VPS13B: variants seen among roughly 807,000 people sequenced by gnomAD.
VPS13B encodes the protein intermembrane lipid transfer protein VPS13B.
VPS13B carries 285 observed loss-of-function variants against 426.4 expected under a neutral mutation model. The ratio of observed to expected loss-of-function variants is 0.67; its 90% CI spans 0.61 to 0.74. The LOEUF is 0.74. Ranked by LOEUF, VPS13B falls within the 30% of genes least tolerant of loss-of-function variation. VPS13B has a pLI of 0.00. For missense variants in VPS13B, 4,537 were observed against 4,782.6 expected (o/e 0.95, Z 1.51); for synonymous variants, 1,676 against 1,676.4 (o/e 1.00, Z 0.01).
At chr8:99,527,518 T>C (rs1434412360) in intron 30 of VPS13B, among the ~76,000 whole-genome samples, 1 of 152,068 alleles carries the variant, frequency 6.6e-6, no homozygotes, top group Non-Finnish European at 1.5e-5. Context: ...TTAAACTCAA[T>C]CTGAGATTCT....
At position 99,038,435 on chromosome 8, in the gene VPS13B, C is replaced by T. The variant is rs1193369148; in HGVS notation, c.160C>T (p.Pro54Ser). The T allele has an allele frequency of 6.2e-7, 1 of 1,605,704 alleles. No homozygotes were observed. Among genetic ancestry groups the T allele is most frequent in the Admixed American group, 1.7e-5 (1 of 59,736 alleles). Residue 54 changes from proline to serine, a missense_variant, in exon 3 of 62, where the codon CCA (proline) becomes TCA (serine). This residue lies in a region of VPS13B where 226 missense variants were observed against 308.3 expected (regional missense o/e 0.73). Coordinates refer to ENST00000357162, the MANE Select transcript of VPS13B (RefSeq NM_152564.5). ...LDVLEQELKLPFTFLSGHIHE... is the reference protein window; with the variant it reads ...LDVLEQELKLSFTFLSGHIHE... The stretch of plus-strand genomic sequence containing the variant: ...TTTGTGTTTTAAGGAACTGAAATTA[C>T]CATTCACTTTTTTAAGTGGACATAT...
At chr8:99,537,126 C>G (rs1461210242) in intron 30 of VPS13B, among the ~76,000 whole-genome samples, 1 of 151,922 alleles carries the variant, frequency 6.6e-6, no homozygotes, top group East Asian at 1.9e-4. Flanking sequence ...AATTGTCCAT[C>G]GGTCTGAATC....
intron 36 of VPS13B, 121 bp from the exon 37 acceptor site, chr8:99,717,050 A>G (rs1292376106): frequency 2.0e-6 from 2 of 1,013,816 alleles, no homozygotes; most frequent in African/African-American, 3.2e-5. Flanking sequence ...GTGGACTGCC[A>G]ACCAAGCAAG....
At position 99,121,432 on chromosome 8, in the gene VPS13B, C is replaced by T. The variant is rs753703762; in HGVS notation, c.1193C>T (p.Thr398Met). The change falls in exon 8 of 62, where the codon ACG becomes ATG. Residue 398 changes from threonine (T) to methionine (M), a missense_variant. Around this residue, in one of 2 missense-constraint regions of VPS13B, gnomAD observed 4,311 missense variants for 4,474.3 expected, o/e 0.96. Transcript: ENST00000357162. ...ATAGGATTTTATTGCACAAAGGCAA[C>T]GGTGACTTTCAAAGTAGGTCTTTTC... ...VSIGFYCTKA[T>M]VTFKLTEMQV... 27 of 1,614,038 alleles carry T rather than the reference C, an allele frequency of 1.7e-5. No homozygotes were observed. The highest frequency in any genetic ancestry group is 1.0e-4 in the Admixed American group (6 of 60,008).
At chr8:99,822,663 TA>T (rs904588188) in intron 50 of VPS13B, among the ~76,000 whole-genome samples, 3 of 152,210 alleles carry the variant, frequency 2.0e-5, no homozygotes, top group African/African-American at 7.2e-5. Flanking sequence ...TATGCTTTGG[TA>T]GTGACTCAGG....
intron 17 of VPS13B, chr8:99,234,066 C>A: frequency 1.3e-6 from 1 of 775,244 alleles, no homozygotes; most frequent in South Asian, 1.4e-5. Flanking sequence ...GGAAATCAGT[C>A]TGTCCGGCCT....
chr8:99,121,462 G>A lies in VPS13B; in HGVS notation c.1206+17G>A, dbSNP rs1490266167. The A allele has an allele frequency of 1.9e-6, 3 of 1,613,698 alleles. No homozygotes were observed. The African/African-American group carries it at 4.0e-5, about 22-fold the overall frequency. ...ACTTTCAAAGTAGGTCTTTTCTCTT[G>A]CTGTTTATATCTCTATCAACTTTAA... On this transcript the variant is annotated intron_variant, in intron 8 of 61. Transcript: ENST00000357162.
At chr8:99,871,867 AAAG>A (rs1817435202) in intron 61 of VPS13B, among the ~76,000 whole-genome samples, 170 bp downstream of exon 61, 1 of 151,858 alleles carries the variant, frequency 6.6e-6, no homozygotes, top group Admixed American at 6.6e-5. Context: ...GGCCGCTGCG[AAAG>A]GGCACTGGGA....
intron 49 of VPS13B, among the ~76,000 whole-genome samples, chr8:99,820,444 G>A (rs562711291): frequency 6.6e-6 from 1 of 152,260 alleles, no homozygotes; most frequent in East Asian, 1.9e-4. Context: ...GAGCCATCAT[G>A]TGTGCTTATC....
In VPS13B at chr8:99,515,631, C is replaced by A. The variant is rs186340149; in HGVS notation, c.4633+4119C>A. On this transcript the variant is annotated intron_variant, in intron 29 of 61. Transcript: ENST00000357162. The stretch of plus-strand genomic sequence containing the variant: ...TGTGGACTTTAAGTGGAATCCTTTG[C>A]AAATATGCATATTTTTAGCAACAAA... Among the ~76,000 whole-genome samples the A allele has an allele frequency of 3.9e-5, 6 of 152,056 alleles. No individual in the cohort carries two copies. In the South Asian group the frequency reaches 8.3e-4, roughly 21 times the overall value.
chr8:99,791,648 G>A (rs1812540968), intron 43 of VPS13B, among the ~76,000 whole-genome samples: 1 of 150,942 alleles, frequency 6.6e-6, no homozygotes, highest in African/African-American at 2.4e-5. Context: ...ACAGAGTAAG[G>A]GCATTAAATG....
At position 99,811,993 on chromosome 8, in the gene VPS13B, G is replaced by C. The variant is rs369467219; in HGVS notation, c.8097+2463G>C. ...ATTATAACAATAGTGACTCATTCTT[G>C]AATAGATACTATATATTTTCAAGAA... On this transcript the variant is annotated intron_variant, in intron 44 of 61. Coordinates refer to ENST00000357162, the MANE Select transcript of VPS13B (RefSeq NM_152564.5). 2.4e-4 allele frequency among the ~76,000 whole-genome samples: 37 copies of C among 152,206 alleles called. 2 individuals carry two copies. Among genetic ancestry groups the C allele is most frequent in the East Asian group, 1.5e-3 (8 of 5,180 alleles).
At chr8:99,603,967 A>G (rs1305815811) in intron 33 of VPS13B, among the ~76,000 whole-genome samples, 2 of 152,208 alleles carry the variant, frequency 1.3e-5, no homozygotes, top group African/African-American at 4.8e-5. Flanking sequence ...ATATAAATCA[A>G]AATCTAGAAA....
intron 21 of VPS13B, among the ~76,000 whole-genome samples, chr8:99,397,869 G>T (rs1814822045): frequency 6.6e-6 from 1 of 152,102 alleles, no homozygotes; most frequent in African/African-American, 2.4e-5. Context: ...CTAGTTACAT[G>T]GTCCTGTCTA....
At chr8:99,874,570 A>C (rs549210376) in intron 61 of VPS13B, among the ~76,000 whole-genome samples, 1 of 152,052 alleles carries the variant, frequency 6.6e-6, no homozygotes, top group Non-Finnish European at 1.5e-5. Flanking sequence ...AAACCACGGA[A>C]AGTTTGGTGG....
intron 19 of VPS13B, among the ~76,000 whole-genome samples, chr8:99,276,938 A>G (rs1818929942): frequency 6.6e-6 from 1 of 152,122 alleles, no homozygotes; most frequent in Admixed American, 6.6e-5. Context: ...CACATATACA[A>G]TGAAAATAAA....
At chr8:99,244,451 C>A (rs1246792055) in intron 17 of VPS13B, among the ~76,000 whole-genome samples, 1 of 152,234 alleles carries the variant, frequency 6.6e-6, no homozygotes, top group East Asian at 1.9e-4. Flanking sequence ...GTTTTTCTTG[C>A]AGCTTTACTA....
chr8:99,167,517 G>A (rs953451556), intron 15 of VPS13B, among the ~76,000 whole-genome samples: 4 of 151,748 alleles, frequency 2.6e-5, no homozygotes, highest in Non-Finnish European at 4.4e-5. Context: ...TTTACAATTA[G>A]CATGTGCTTT....
At chr8:99,404,352 C>T (rs1815216469) in intron 21 of VPS13B, among the ~76,000 whole-genome samples, 1 of 152,056 alleles carries the variant, frequency 6.6e-6, no homozygotes, top group African/African-American at 2.4e-5. Context: ...GTAGTCAGAA[C>T]AAGATTATAG....
Sources: gnomAD v4.1 joint callset for allele counts (sites outside exome capture counted in the v4.1 genomes callset) on GRCh38, gnomAD v4.1.1 for gene constraint, gnomAD v4.1.1 regional missense constraint, MANE v1.5 for transcripts, NCBI Gene and HGNC (gene_info 2026-07-23, HGNC 2026-07-21) for gene names.